Variants in RABGAP1L observed in about 807,000 individuals in gnomAD.
RABGAP1L encodes RAB GTPase activating protein 1 like, also known as rab GTPase-activating protein 1-like.
Under a neutral mutation model 137.7 loss-of-function variants are expected in RABGAP1L, and 63 were observed. The ratio of observed to expected loss-of-function variants is 0.46; its 90% CI spans 0.37 to 0.56. The LOEUF (loss-of-function observed/expected upper bound fraction) is 0.56, where lower values mean the gene tolerates loss of function less well. Among genes scored for constraint, RABGAP1L ranks in the 20% least tolerant of loss-of-function variants. The pLI, the probability that RABGAP1L is intolerant of heterozygous loss-of-function variation, is 0.00. For synonymous variants in RABGAP1L, 431 were observed against 433.7 expected, an observed-to-expected ratio of 0.99 and a Z score of 0.08; for missense variants, 1,095 against 1,244.0, an observed-to-expected ratio of 0.88 and a Z score of 1.80.
At chr1:174,387,363 C>A (rs1686881564) in intron 12 of RABGAP1L, among the ~76,000 whole-genome samples, 1 of 152,112 alleles carries the variant, frequency 6.6e-6, no homozygotes, top group African/African-American at 2.4e-5. Flanking sequence ...GGCATGCAGA[C>A]CTTTAAACAG....
At chr1:174,978,204 T>C (rs1430856929) in intron 22 of RABGAP1L, among the ~76,000 whole-genome samples, 2 of 152,198 alleles carry the variant, frequency 1.3e-5, no homozygotes, top group Non-Finnish European at 2.9e-5. Flanking sequence ...ATAGCATTCA[T>C]AATTTAACAT....
chr1:174,864,186 GGGTTTTCTAAGGTTTGAGGGTATGAGT>G (rs1241305250), intron 19 of RABGAP1L, among the ~76,000 whole-genome samples: 1 of 152,142 alleles, frequency 6.6e-6, no homozygotes, highest in Admixed American at 6.6e-5. Flanking sequence ...TCTGAGCTAA[GGGTTTTCTAAGGTTTGAGGGTATGAGT>G]GGTGCTGTCA....
At chr1:174,647,740 G>A (rs1219910877) in intron 14 of RABGAP1L, among the ~76,000 whole-genome samples, 1 of 151,996 alleles carries the variant, frequency 6.6e-6, no homozygotes, top group Non-Finnish European at 1.5e-5. Context: ...TTAGGGAGGA[G>A]TCCCTCTTTT....
intron 13 of RABGAP1L, among the ~76,000 whole-genome samples, chr1:174,619,157 C>T (rs1672199929): frequency 6.6e-6 from 1 of 152,160 alleles, no homozygotes; most frequent in African/African-American, 2.4e-5. Context: ...ACCAAATCTA[C>T]GTGTGACAGG....
intron 18 of RABGAP1L, among the ~76,000 whole-genome samples, chr1:174,809,688 C>T (rs1689677160): frequency 6.6e-6 from 1 of 152,192 alleles, no homozygotes; most frequent in South Asian, 2.1e-4. Flanking sequence ...TGTTTCTCCA[C>T]AAACCCTGGA....
Position 174,800,522 on chromosome 1 carries a change from C to T in RABGAP1L, c.2212-11310C>T, listed in dbSNP as rs1028084572. Reference sequence around the variant, plus strand: ...GGCGGTGAGATTGTTTTTCATTGAACTTCATTTGTAGGGAATCTGCTATCC... The same window carrying T: ...GGCGGTGAGATTGTTTTTCATTGAATTTCATTTGTAGGGAATCTGCTATCC... On this transcript the variant is annotated intron_variant, in intron 18 of 25. Transcript: ENST00000681986. 4 of 1,548,764 alleles carry T rather than the reference C, an allele frequency of 2.6e-6. No homozygotes were observed. The African/African-American group carries it at 4.1e-5, about 16-fold the overall frequency.
chr1:174,299,782 A>G (rs1314601455), intron 10 of RABGAP1L, among the ~76,000 whole-genome samples: 1 of 152,208 alleles, frequency 6.6e-6, no homozygotes, highest in Non-Finnish European at 1.5e-5. Flanking sequence ...ATATTCATGA[A>G]TATTTCAGCT....
intron 15 of RABGAP1L, among the ~76,000 whole-genome samples, chr1:174,684,688 T>C (rs1413371223): frequency 1.3e-5 from 2 of 152,104 alleles, no homozygotes; most frequent in Admixed American, 1.3e-4. Context: ...GTAGAAAACA[T>C]CAATATGGCC....
At chr1:174,469,722 C>G (rs957905972) in intron 13 of RABGAP1L, among the ~76,000 whole-genome samples, 1 of 152,090 alleles carries the variant, frequency 6.6e-6, no homozygotes, top group African/African-American at 2.4e-5. Context: ...TGAATTACAA[C>G]CAAAGGTGCA....
At chr1:174,210,581 C>T (rs1240398738) in intron 1 of RABGAP1L, among the ~76,000 whole-genome samples, 1 of 152,090 alleles carries the variant, frequency 6.6e-6, no homozygotes, top group African/African-American at 2.4e-5. Context: ...AACAATGAAG[C>T]ATGCCTACAG....
intron 21 of RABGAP1L, among the ~76,000 whole-genome samples, chr1:174,970,345 A>G (rs1034352695): frequency 6.6e-6 from 1 of 152,210 alleles, no homozygotes; most frequent in African/African-American, 2.4e-5. Context: ...TAACTTTCCA[A>G]ATGGTCTTGA....
intron 19 of RABGAP1L, among the ~76,000 whole-genome samples, chr1:174,892,863 G>A (rs1303451293): frequency 6.8e-6 from 1 of 147,978 alleles, no homozygotes. Flanking sequence ...TCGAGTAGCT[G>A]GGATTACAGG....
intron 11 of RABGAP1L, among the ~76,000 whole-genome samples, chr1:174,349,765 G>C (rs1682904144): frequency 7.3e-6 from 1 of 137,836 alleles, no homozygotes. Context: ...AGACGGGGCG[G>C]CTGGCCGGGC....
At chr1:174,475,534 A>C (rs1171515131) in intron 13 of RABGAP1L, among the ~76,000 whole-genome samples, 9 of 152,152 alleles carry the variant, frequency 5.9e-5, no homozygotes, top group African/African-American at 2.2e-4. Context: ...ATTAAGGTAG[A>C]CATGATGATC....
chr1:174,475,176 G>T (rs1658373620), intron 13 of RABGAP1L, among the ~76,000 whole-genome samples: 1 of 152,048 alleles, frequency 6.6e-6, no homozygotes, highest in East Asian at 1.9e-4. Flanking sequence ...GCACTTTCGG[G>T]TTTAGTAGGT....
chr1:174,754,705 T>C (rs190912578), intron 18 of RABGAP1L, among the ~76,000 whole-genome samples: 6 of 152,160 alleles, frequency 3.9e-5, no homozygotes, highest in African/African-American at 1.4e-4. Context: ...TCTCACTATG[T>C]TGCTCAGGCT....
chr1:174,354,274 T>G (rs1302268598), intron 11 of RABGAP1L, among the ~76,000 whole-genome samples: 1 of 151,780 alleles, frequency 6.6e-6, no homozygotes, highest in Non-Finnish European at 1.5e-5. Context: ...TTTATTAATT[T>G]TATTAATTAA....
At chr1:174,242,770 G>A (rs1250372262) in intron 5 of RABGAP1L, among the ~76,000 whole-genome samples, 1 of 152,070 alleles carries the variant, frequency 6.6e-6, no homozygotes, top group African/African-American at 2.4e-5. Context: ...TTTTAGATAA[G>A]GCTTTATCTA....
intron 13 of RABGAP1L, among the ~76,000 whole-genome samples, chr1:174,394,823 C>T (rs1647620391): frequency 6.6e-6 from 1 of 152,012 alleles, no homozygotes; most frequent in African/African-American, 2.4e-5. Context: ...CTTTGTTCCT[C>T]AGACTATATG....
Sources: allele counts gnomAD v4.1 joint callset (sites outside exome capture counted in the v4.1 genomes callset), GRCh38; gene constraint gnomAD v4.1.1; transcripts MANE v1.5; gene names NCBI Gene and HGNC (gene_info 2026-07-23, HGNC 2026-07-21).